PCDHA6: variants seen among roughly 807,000 people sequenced by gnomAD.
The protein encoded by PCDHA6 is protocadherin alpha 6, also known as protocadherin alpha-6.
Under a neutral mutation model 60.3 loss-of-function variants are expected in PCDHA6, and 55 were observed. The observed-to-expected ratio is 0.91, with a 90% CI of 0.73 to 1.14. The LOEUF is 1.14. Among genes scored for constraint, PCDHA6 ranks in the 50% most tolerant of loss-of-function variants. The pLI is 0.00. For synonymous variants in PCDHA6, 652 were observed against 557.9 expected, an observed-to-expected ratio of 1.17 and a Z score of -2.38; for missense variants, 1,327 against 1,256.5, an observed-to-expected ratio of 1.06 and a Z score of -0.85.
At chr5:140,871,197 C>T (rs1554165260) in intron 1 of PCDHA6, 1 of 1,613,664 alleles carries the variant, frequency 6.2e-7, no homozygotes, top group Admixed American at 1.7e-5. Flanking sequence ...TCAACGTGTA[C>T]CTGATCATCG....
At chr5:140,934,437 T>C (rs950173265) in intron 1 of PCDHA6, among the ~76,000 whole-genome samples, 4 of 152,298 alleles carry the variant, frequency 2.6e-5, no homozygotes, top group Admixed American at 6.5e-5. Context: ...AGTGTAAATA[T>C]AGTGAAAAAT....
At chr5:140,981,725 A>T (rs1554243280) in intron 2 of PCDHA6, among the ~76,000 whole-genome samples, 1 of 151,396 alleles carries the variant, frequency 6.6e-6, no homozygotes, top group Non-Finnish European at 1.5e-5. Context: ...TCCAACAAAT[A>T]TTTGAGAGAT....
At chr5:140,927,076 C>T (rs142317713) in intron 1 of PCDHA6, 7 of 1,611,008 alleles carry the variant, frequency 4.3e-6, no homozygotes, top group Non-Finnish European at 5.1e-6. Context: ...TTCCAGCCAC[C>T]GCGAGCTCTA....
chr5:140,882,656 C>G, intron 1 of PCDHA6: 2 of 1,614,192 alleles, frequency 1.2e-6, no homozygotes, highest in Middle Eastern at 1.6e-4. Flanking sequence ...TAACGACAAC[C>G]CGCCCATATT....
At chr5:140,927,893 A>G (rs1554205201) in intron 1 of PCDHA6, 1 of 1,614,050 alleles carries the variant, frequency 6.2e-7, no homozygotes, top group Non-Finnish European at 8.5e-7. Flanking sequence ...ACTGACGTGA[A>G]CGATCATGCC....
At chr5:140,933,401 C>T (rs1382982699) in intron 1 of PCDHA6, among the ~76,000 whole-genome samples, 1 of 151,928 alleles carries the variant, frequency 6.6e-6, no homozygotes, top group African/African-American at 2.4e-5. Flanking sequence ...ATCTGGTTAC[C>T]ATCTACAGAT....
chr5:140,953,913 G>A (rs2094950683), intron 1 of PCDHA6, among the ~76,000 whole-genome samples: 1 of 152,104 alleles, frequency 6.6e-6, no homozygotes, highest in African/African-American at 2.4e-5. Flanking sequence ...CATCCATTAG[G>A]TATTCTTCCT....
chr5:141,002,612 CA>C, intron 3 of PCDHA6, among the ~76,000 whole-genome samples: 1 of 152,178 alleles, frequency 6.6e-6, no homozygotes, highest in Non-Finnish European at 1.5e-5. Flanking sequence ...AAAACAGACA[CA>C]TAACACAGAC....
At chr5:140,961,001 C>A (rs2095583358) in intron 1 of PCDHA6, among the ~76,000 whole-genome samples, 1 of 152,144 alleles carries the variant, frequency 6.6e-6, no homozygotes, top group Non-Finnish European at 1.5e-5. Context: ...CAATTTGCTG[C>A]TGGACTGCAT....
intron 1 of PCDHA6, chr5:140,927,814 G>T: frequency 6.2e-7 from 1 of 1,614,172 alleles, no homozygotes; most frequent in Non-Finnish European, 8.5e-7. Flanking sequence ...GCTCTTGGAG[G>T]CATACATTGA....
intron 1 of PCDHA6, among the ~76,000 whole-genome samples, chr5:140,910,954 G>A (rs183183329): frequency 3.4e-4 from 51 of 152,174 alleles, no homozygotes; most frequent in Admixed American, 7.2e-4. Flanking sequence ...CTTTTCGAGT[G>A]TAGCACACCT....
At chr5:140,920,011 C>T (rs782647025) in intron 1 of PCDHA6, among the ~76,000 whole-genome samples, 2 of 152,088 alleles carry the variant, frequency 1.3e-5, no homozygotes, top group Non-Finnish European at 2.9e-5. Context: ...AAAGGCCATG[C>T]GAAGATGGAG....
rs1314280199 is a variant in PCDHA6 at position 140,828,974 on chromosome 5, A to G, written c.883A>G (p.Ile295Val). 1.2e-6 allele frequency: 2 copies of G among 1,614,192 alleles called. No individual in the cohort carries two copies. The highest frequency in any genetic ancestry group is 1.7e-6 in the Non-Finnish European group (2 of 1,180,026). Residue 295 changes from isoleucine to valine, a missense_variant, in exon 1 of 4, where the codon ATA becomes GTA. Ile to Val is a conservative substitution (Grantham distance 29). Coordinates refer to ENST00000529310, the MANE Select transcript of PCDHA6 (RefSeq NM_018909.4). ...VAAMVIDHFSIDRNTGEIVIR... is the reference protein window; with the variant it reads ...VAAMVIDHFSVDRNTGEIVIR... Reference sequence around the variant, plus strand: ...AGCCATGGTTATTGACCACTTTAGCATAGATCGAAATACGGGAGAAATAGT... The same window carrying G: ...AGCCATGGTTATTGACCACTTTAGCGTAGATCGAAATACGGGAGAAATAGT...
chr5:141,002,333 G>T (rs782123745), intron 3 of PCDHA6, among the ~76,000 whole-genome samples: 1 of 152,196 alleles, frequency 6.6e-6, no homozygotes, highest in African/African-American at 2.4e-5. Context: ...GGCTGCATCC[G>T]CACCCCTTCC....
At chr5:140,878,585 C>T (rs2057657468) in intron 1 of PCDHA6, among the ~76,000 whole-genome samples, 1 of 152,152 alleles carries the variant, frequency 6.6e-6, no homozygotes, top group African/African-American at 2.4e-5. Flanking sequence ...CTGCCCTGTG[C>T]CTATTACCAA....
intron 1 of PCDHA6, among the ~76,000 whole-genome samples, chr5:140,960,254 C>T (rs2095534958): frequency 6.6e-6 from 1 of 152,138 alleles, no homozygotes; most frequent in South Asian, 2.1e-4. Flanking sequence ...CTTCCTGGAG[C>T]TTCTGATAAA....
chr5:140,828,365 C>G lies in PCDHA6; in HGVS notation c.274C>G (p.Arg92Gly). ...GILFVNSRID[R>G]EELCGRSAEC... ...TTTGTTTGTGAATTCTCGGATCGAC[C>G]GCGAGGAGCTGTGCGGGCGGAGCGC... The change falls in exon 1 of 4, where the codon CGC becomes GGC. Residue 92 changes from arginine (R) to glycine (G), a missense_variant. Transcript: ENST00000529310. The G allele has an allele frequency of 1.2e-6, 2 of 1,614,230 alleles. No individual in the cohort carries two copies. The highest frequency in any genetic ancestry group is 1.7e-6 in the Non-Finnish European group (2 of 1,180,048).
chr5:140,838,539 A>G (rs1185872182), intron 1 of PCDHA6, among the ~76,000 whole-genome samples: 1 of 151,946 alleles, frequency 6.6e-6, no homozygotes, highest in Admixed American at 6.6e-5. Context: ...TTATGGATAT[A>G]TCATGATTTA....
chr5:140,869,429 T>C lies in PCDHA6; in HGVS notation c.2394+38944T>C, dbSNP rs1006497068. ...GAGTGCAGCATCCACCTGGAGGTGA[T>C]CGTGGACAGGCCGCTGCAGGTTTTC... is the stretch of plus-strand genomic sequence containing the variant. On this transcript the variant is annotated intron_variant, in intron 1 of 3. Coordinates refer to ENST00000529310, the MANE Select transcript of PCDHA6 (RefSeq NM_018909.4). The C allele has an allele frequency of 2.2e-5, 35 of 1,614,074 alleles. No homozygotes were observed. The highest frequency in any genetic ancestry group is 3.0e-5 in the Non-Finnish European group (35 of 1,180,048).
Sources: gnomAD v4.1 joint callset for allele counts (sites outside exome capture counted in the v4.1 genomes callset) on GRCh38, gnomAD v4.1.1 for gene constraint, MANE v1.5 for transcripts, NCBI Gene and HGNC (gene_info 2026-07-23, HGNC 2026-07-21) for gene names.